Variants in PIK3CB observed in about 807,000 individuals in gnomAD.
PIK3CB encodes phosphatidylinositol 4,5-bisphosphate 3-kinase catalytic subunit beta isoform.
Under a neutral mutation model 136.8 loss-of-function variants are expected in PIK3CB, and 39 were observed. The observed-to-expected ratio is 0.29, with a 90% confidence interval of 0.22 to 0.37. PIK3CB has a LOEUF of 0.37. Among genes scored for constraint, PIK3CB ranks in the 10% least tolerant of loss-of-function variants. The probability of loss-of-function intolerance (pLI) is 1.00; values close to 1 mark genes in which losing one functional copy is unlikely to be tolerated. For synonymous variants in PIK3CB, 428 were observed against 436.6 expected (o/e 0.98, Z 0.25); for missense variants, 868 against 1,275.4 (o/e 0.68, Z 4.87).
intron 2 of PIK3CB, among the ~76,000 whole-genome samples, chr3:138,772,046 T>C (rs1326106387): frequency 6.6e-6 from 1 of 151,096 alleles, no homozygotes; most frequent in East Asian, 1.9e-4. Flanking sequence ...AAGCAAAATA[T>C]ATAAAAATGA....
At chr3:138,785,836 A>AG (rs1262180267) in intron 2 of PIK3CB, among the ~76,000 whole-genome samples, 1 of 152,076 alleles carries the variant, frequency 6.6e-6, no homozygotes, top group Non-Finnish European at 1.5e-5. Context: ...AAAAAAAAAA[A>AG]AAAAAGAAAA....
At chr3:138,750,372 G>A (rs1193611812) in intron 4 of PIK3CB, among the ~76,000 whole-genome samples, 1 of 152,052 alleles carries the variant, frequency 6.6e-6, no homozygotes, top group Admixed American at 6.6e-5. Context: ...GGGTGGGGGT[G>A]GTTTTGGGAT....
intron 10 of PIK3CB, 100 bp from the exon 11 acceptor site, chr3:138,707,389 T>C: frequency 1.4e-6 from 2 of 1,439,502 alleles, no homozygotes; most frequent in Middle Eastern, 2.4e-4. Flanking sequence ...ACCTTAGAAG[T>C]ATGTCAACTA....
chr3:138,667,823 T>C (rs982517521), intron 19 of PIK3CB, among the ~76,000 whole-genome samples: 7 of 151,890 alleles, frequency 4.6e-5, no homozygotes, highest in South Asian at 2.1e-4. Context: ...TCCCAGCACT[T>C]TGGGTGGCCG....
intron 1 of PIK3CB, among the ~76,000 whole-genome samples, chr3:138,802,579 T>G (rs190351043): frequency 6.6e-6 from 1 of 151,594 alleles, no homozygotes; most frequent in Non-Finnish European, 1.5e-5. Context: ...AAAGGGCAAA[T>G]AGTATTGTTA....
At chr3:138,695,825 C>T (rs2044124502) in intron 13 of PIK3CB, among the ~76,000 whole-genome samples, 1 of 151,942 alleles carries the variant, frequency 6.6e-6, no homozygotes, top group African/African-American at 2.4e-5. Context: ...TGGCTCACTA[C>T]AACCTCTCCT....
At chr3:138,697,826 A>G (rs534092394) in intron 13 of PIK3CB, among the ~76,000 whole-genome samples, 1 of 152,212 alleles carries the variant, frequency 6.6e-6, no homozygotes, top group Admixed American at 6.5e-5. Context: ...TCAACCTCCC[A>G]GATTCCAACA....
At chr3:138,799,231 G>A (rs1389723085) in intron 1 of PIK3CB, among the ~76,000 whole-genome samples, 3 of 146,662 alleles carry the variant, frequency 2.0e-5, no homozygotes, top group African/African-American at 7.7e-5. Flanking sequence ...AGGCTGGAGT[G>A]CAGTGGCATG....
chr3:138,684,963 T>C, intron 16 of PIK3CB, 160 bp from the exon 17 acceptor site: 1 of 520,810 alleles, frequency 1.9e-6, no homozygotes, highest in Non-Finnish European at 3.3e-6. Flanking sequence ...ACGAAAAGCA[T>C]TTTACATACA....
chr3:138,778,651 C>G (rs2045887724), intron 2 of PIK3CB: 1 of 206,396 alleles, frequency 4.8e-6, no homozygotes, highest in Admixed American at 5.7e-5. Context: ...CTCTGAGTAC[C>G]AGGTTGTCTC....
At chr3:138,718,319 T>C (rs577704742) in intron 8 of PIK3CB, among the ~76,000 whole-genome samples, 2 of 152,336 alleles carry the variant, frequency 1.3e-5, no homozygotes, top group East Asian at 1.9e-4. Context: ...TGGCCGCATG[T>C]ATGTCTTCTT....
At chr3:138,695,665 T>A (rs2108519891) in intron 13 of PIK3CB, among the ~76,000 whole-genome samples, 1 of 152,190 alleles carries the variant, frequency 6.6e-6, no homozygotes, top group Admixed American at 6.5e-5. Flanking sequence ...TTGTTTTACA[T>A]TTGAAAAATA....
intron 2 of PIK3CB, among the ~76,000 whole-genome samples, chr3:138,777,220 TGA>T (rs1370192289): frequency 1.3e-5 from 2 of 152,202 alleles, no homozygotes; most frequent in East Asian, 3.9e-4. Context: ...CCAAATGTGA[TGA>T]GAGGTCAGGT....
At chr3:138,812,998 G>C (rs1933143841) in intron 1 of PIK3CB, among the ~76,000 whole-genome samples, 1 of 152,118 alleles carries the variant, frequency 6.6e-6, no homozygotes, top group South Asian at 2.1e-4. Context: ...CAGTTTCGTG[G>C]CTGTGGTATC....
chr3:138,824,032 C>A (rs764036208), intron 1 of PIK3CB, among the ~76,000 whole-genome samples: 3 of 152,138 alleles, frequency 2.0e-5, no homozygotes, highest in Non-Finnish European at 4.4e-5. Flanking sequence ...TTCTCAACTT[C>A]ACAACTGCCA....
chr3:138,819,162 C>A (rs1283301651), intron 1 of PIK3CB, among the ~76,000 whole-genome samples: 7 of 152,118 alleles, frequency 4.6e-5, no homozygotes, highest in African/African-American at 1.7e-4. Flanking sequence ...TCCTGGCTAA[C>A]ACGGTAAAAC....
At chr3:138,673,859 T>C (rs1455285702) in intron 19 of PIK3CB, among the ~76,000 whole-genome samples, 2 of 152,150 alleles carry the variant, frequency 1.3e-5, no homozygotes, top group African/African-American at 2.4e-5. Context: ...AAAAATGAAG[T>C]TGGAGCTCCT....
chr3:138,826,429 G>A, intron 1 of PIK3CB: 1 of 955,162 alleles, frequency 1.0e-6, no homozygotes, highest in East Asian at 2.6e-5. Flanking sequence ...AATAGTAAAT[G>A]ACTGGTTAAT....
chr3:138,677,967 T>C (rs2043684078), intron 19 of PIK3CB, among the ~76,000 whole-genome samples: 2 of 152,032 alleles, frequency 1.3e-5, no homozygotes, highest in South Asian at 2.1e-4. Context: ...ATAAATAATA[T>C]AGTATATAAA....
Sources: allele counts gnomAD v4.1 joint callset (sites outside exome capture counted in the v4.1 genomes callset), GRCh38; gene constraint gnomAD v4.1.1; transcripts MANE v1.5; gene names NCBI Gene and HGNC (gene_info 2026-07-23, HGNC 2026-07-21).